The following PID1 variants were observed in gnomAD, a reference collection of about 807,000 sequenced individuals.
The protein encoded by PID1 is phosphotyrosine interaction domain containing 1.
A neutral mutation model predicts 19.1 loss-of-function variants in PID1; 10 were observed. The observed-to-expected ratio is 0.52, with a 90% CI of 0.32 to 0.89. PID1 has a LOEUF of 0.89. PID1 is among the 40% of genes least tolerant of loss of function. PID1 has a pLI of 0.03. For synonymous variants in PID1, 130 were observed against 116.0 expected (o/e 1.12, Z -0.78); for missense variants, 248 against 285.3 (o/e 0.87, Z 0.94).
chr2:229,145,303 A>G (rs996749250), intron 2 of PID1, among the ~76,000 whole-genome samples: 2 of 151,402 alleles, frequency 1.3e-5, no homozygotes, highest in African/African-American at 4.8e-5. Flanking sequence ...AAGAAGTTAT[A>G]CAATTTCCAC....
rs1371110244 is a variant in PID1 at position 229,260,828 on chromosome 2, T to C, written c.30+10186A>G. Among the ~76,000 whole-genome samples, 3 of 150,326 alleles carry C rather than the reference T, an allele frequency of 2.0e-5. No individual in the cohort carries two copies. In the East Asian group the frequency reaches 5.8e-4, roughly 29 times the overall value. On this transcript the variant is annotated intron_variant, in intron 1 of 2. Transcript: ENST00000392055. ...AAATTCTGATTGCCATTTTTTTTTT[T>C]TTTTTTTTTTTGGTGGCTGGTCAAG...
At chr2:229,170,937 A>C (rs745969357) in intron 1 of PID1, among the ~76,000 whole-genome samples, 6 of 152,222 alleles carry the variant, frequency 3.9e-5, no homozygotes, top group Non-Finnish European at 5.9e-5. Flanking sequence ...GTCAGACAAA[A>C]CAATGTAAGA....
intron 1 of PID1, among the ~76,000 whole-genome samples, chr2:229,208,439 T>C (rs16825867): frequency 0.29 from 43,606 of 152,134 alleles, 6,985 homozygotes; most frequent in East Asian, 0.64. Flanking sequence ...CCTTTGGTTT[T>C]AGAGGATAAA....
intron 2 of PID1, among the ~76,000 whole-genome samples, chr2:229,029,079 G>A (rs1173829185): frequency 6.6e-6 from 1 of 151,920 alleles, no homozygotes; most frequent in Non-Finnish European, 1.5e-5. Context: ...ACCAGGAGGG[G>A]GAGGGTTGCG....
chr2:229,086,685 G>A (rs1013011862), intron 2 of PID1, among the ~76,000 whole-genome samples: 3 of 152,104 alleles, frequency 2.0e-5, no homozygotes, highest in Non-Finnish European at 2.9e-5. Flanking sequence ...GACAGAGGGT[G>A]GAGTAACAAC....
intron 2 of PID1, among the ~76,000 whole-genome samples, chr2:229,055,246 C>T (rs1235905007): frequency 1.3e-5 from 2 of 152,176 alleles, no homozygotes; most frequent in Non-Finnish European, 2.9e-5. Flanking sequence ...CTCGACATGG[C>T]CTCCTTTTGC....
intron 2 of PID1, among the ~76,000 whole-genome samples, chr2:229,045,438 CTAAGT>C (rs1275233177): frequency 1.3e-5 from 2 of 152,176 alleles, no homozygotes; most frequent in African/African-American, 4.8e-5. Context: ...ATGCTCTTTC[CTAAGT>C]TAATTTTCCT....
chr2:229,125,224 A>T (rs12478734), intron 2 of PID1, among the ~76,000 whole-genome samples: 1 of 152,144 alleles, frequency 6.6e-6, no homozygotes, highest in Non-Finnish European at 1.5e-5. Context: ...GAATTCTATG[A>T]CATTCTAAAT....
chr2:229,026,889 T>G (rs1693435642), intron 2 of PID1, among the ~76,000 whole-genome samples: 1 of 152,224 alleles, frequency 6.6e-6, no homozygotes, highest in African/African-American at 2.4e-5. Context: ...AAAGCGTGTT[T>G]ATAATATGCC....
At chr2:229,236,318 G>C (rs935600454) in intron 1 of PID1, 1 of 152,160 alleles carries the variant, frequency 6.6e-6, no homozygotes, top group African/African-American at 2.4e-5. Flanking sequence ...AGGAACAGGG[G>C]CCACCTCACG....
chr2:229,068,785 T>G (rs1385851931), intron 2 of PID1, among the ~76,000 whole-genome samples: 2 of 152,196 alleles, frequency 1.3e-5, no homozygotes, highest in African/African-American at 4.8e-5. Context: ...AATTGGTGTC[T>G]GTTTTGTAGA....
At chr2:229,041,208 G>A (rs2106174433) in intron 2 of PID1, among the ~76,000 whole-genome samples, 1 of 152,086 alleles carries the variant, frequency 6.6e-6, no homozygotes, top group East Asian at 1.9e-4. Context: ...CTGTTTCAGG[G>A]CTGTCACACA....
At chr2:229,163,992 A>G (rs1422973425) in intron 1 of PID1, among the ~76,000 whole-genome samples, 1 of 152,124 alleles carries the variant, frequency 6.6e-6, no homozygotes, top group Admixed American at 6.5e-5. Flanking sequence ...CTATATTTCC[A>G]TGTCTTTTGA....
At chr2:229,029,076 G>T (rs2765934) in intron 2 of PID1, among the ~76,000 whole-genome samples, 7 of 151,926 alleles carry the variant, frequency 4.6e-5, no homozygotes, top group Admixed American at 4.6e-4. Context: ...ACCACCAGGA[G>T]GGGGAGGGTT....
intron 1 of PID1, among the ~76,000 whole-genome samples, chr2:229,160,316 T>G (rs938801031): frequency 1.3e-5 from 2 of 151,934 alleles, no homozygotes; most frequent in Non-Finnish European, 2.9e-5. Context: ...CCCCTTTGAT[T>G]GCTTGGCTGG....
intron 1 of PID1, among the ~76,000 whole-genome samples, chr2:229,165,612 C>T (rs2106204905): frequency 6.6e-6 from 1 of 151,798 alleles, no homozygotes; most frequent in African/African-American, 2.4e-5. Context: ...AGACATGAGA[C>T]ATGCAAAAAT....
At position 229,231,145 on chromosome 2, in the gene PID1, G is replaced by A. The variant is rs375469186; in HGVS notation, c.30+39869C>T. Among the ~76,000 whole-genome samples the A allele has an allele frequency of 3.4e-4, 51 of 152,082 alleles. No homozygotes were observed. In the South Asian group the frequency reaches 5.2e-3, roughly 15 times the overall value. ...GGCCAACACATCTGTGCTTCAGCCC[G>A]CCTCTGTCCACCTGGAGATGGGATT... On this transcript the variant is annotated intron_variant, in intron 1 of 2. Coordinates refer to ENST00000392055, the MANE Select transcript of PID1 (RefSeq NM_001100818.2).
chr2:229,235,495 GT>G (rs5839317), intron 1 of PID1, among the ~76,000 whole-genome samples: 92,815 of 151,044 alleles, frequency 0.61, 28,803 homozygotes, highest in Non-Finnish European at 0.63. Flanking sequence ...ATGTTTATGT[GT>G]TTTTTTTTTC....
At chr2:229,100,489 G>C (rs1277515971) in intron 2 of PID1, among the ~76,000 whole-genome samples, 2 of 152,030 alleles carry the variant, frequency 1.3e-5, no homozygotes, top group Non-Finnish European at 2.9e-5. Flanking sequence ...TTCTTACCTA[G>C]AACAATGGTG....
Sources: gnomAD v4.1 joint callset for allele counts (sites outside exome capture counted in the v4.1 genomes callset) on GRCh38, gnomAD v4.1.1 for gene constraint, MANE v1.5 for transcripts, NCBI Gene and HGNC (gene_info 2026-07-23, HGNC 2026-07-21) for gene names.